Variants in MGAT4C observed in about 807,000 individuals in gnomAD.
MGAT4C encodes MGAT4 family member C.
In MGAT4C, 19 loss-of-function variants were observed where a neutral mutation model predicts 40.1. The ratio of observed to expected loss-of-function variants is 0.47; its 90% confidence interval spans 0.33 to 0.70. The LOEUF is 0.70. Ranked by LOEUF, MGAT4C falls within the 30% of genes least tolerant of loss-of-function variation. The probability of loss-of-function intolerance (pLI) is 0.02; values close to 1 mark genes in which losing one functional copy is unlikely to be tolerated. For missense variants in MGAT4C, 491 were observed against 563.2 expected (o/e 0.87, Z 1.30); for synonymous variants, 181 against 187.1 (o/e 0.97, Z 0.27).
intron 3 of MGAT4C, among the ~76,000 whole-genome samples, chr12:86,423,111 C>A (rs1022295275): frequency 3.9e-5 from 6 of 152,058 alleles, no homozygotes; most frequent in Non-Finnish European, 7.4e-5. Context: ...GCAACTCTTT[C>A]TTTGCCTGTA....
At chr12:86,794,737 A>T (rs1952081921) in intron 1 of MGAT4C, among the ~76,000 whole-genome samples, 1 of 151,908 alleles carries the variant, frequency 6.6e-6, no homozygotes, top group South Asian at 2.1e-4. Flanking sequence ...TTTGTTCAGA[A>T]GTTAAAGCAA....
At chr12:86,730,700 A>G (rs1340168201) in intron 1 of MGAT4C, among the ~76,000 whole-genome samples, 1 of 152,116 alleles carries the variant, frequency 6.6e-6, no homozygotes, top group African/African-American at 2.4e-5. Flanking sequence ...CCAGTAAAAT[A>G]CTGCTGTGTT....
intron 1 of MGAT4C, among the ~76,000 whole-genome samples, chr12:86,065,536 A>C (rs564889022): frequency 1.4e-4 from 22 of 152,120 alleles, no homozygotes; most frequent in Non-Finnish European, 3.2e-4. Flanking sequence ...CTCTCAATAA[A>C]CTAGGTATTG....
At chr12:86,354,115 C>T (rs948298491) in intron 3 of MGAT4C, among the ~76,000 whole-genome samples, 1 of 152,156 alleles carries the variant, frequency 6.6e-6, no homozygotes, top group African/African-American at 2.4e-5. Context: ...GGTTGGTGGA[C>T]ATGCTGGGCA....
At chr12:86,713,401 T>C (rs1950593242) in intron 2 of MGAT4C, among the ~76,000 whole-genome samples, 1 of 152,120 alleles carries the variant, frequency 6.6e-6, no homozygotes, top group African/African-American at 2.4e-5. Flanking sequence ...GGATGTATCA[T>C]CTTATTCTGA....
intron 4 of MGAT4C, among the ~76,000 whole-genome samples, chr12:86,293,215 T>A (rs1475473023): frequency 6.6e-6 from 1 of 152,160 alleles, no homozygotes; most frequent in Non-Finnish European, 1.5e-5. Flanking sequence ...GTTCAGTGTG[T>A]GCATGGAGAC....
chr12:86,128,103 C>T (rs1366286371), intron 1 of MGAT4C, among the ~76,000 whole-genome samples: 1 of 152,184 alleles, frequency 6.6e-6, no homozygotes, highest in Non-Finnish European at 1.5e-5. Flanking sequence ...CCACCATTAT[C>T]ATAGCCAACA....
At chr12:86,170,824 G>A (rs1430243190) in intron 1 of MGAT4C, among the ~76,000 whole-genome samples, 1 of 151,934 alleles carries the variant, frequency 6.6e-6, no homozygotes, top group African/African-American at 2.4e-5. Flanking sequence ...ATGTTAGTGT[G>A]CGCCTGGAGT....
intron 2 of MGAT4C, among the ~76,000 whole-genome samples, chr12:86,484,430 G>A (rs754288526): frequency 7.9e-5 from 12 of 152,212 alleles, no homozygotes; most frequent in Non-Finnish European, 1.8e-4. Context: ...AGACGTATGT[G>A]CACAGTACAG....
intron 1 of MGAT4C, among the ~76,000 whole-genome samples, chr12:86,766,683 G>T (rs201504067): frequency 2.0e-5 from 3 of 152,018 alleles, no homozygotes; most frequent in East Asian, 1.9e-4. Context: ...AGACCACAGT[G>T]CAATCAAACT....
At chr12:86,432,743 T>C (rs377495381) in intron 3 of MGAT4C, among the ~76,000 whole-genome samples, 4 of 152,208 alleles carry the variant, frequency 2.6e-5, no homozygotes, top group South Asian at 2.1e-4. Flanking sequence ...TAATAAAAAC[T>C]TTTCTACAAA....
At chr12:86,684,689 A>T (rs1015890362) in intron 2 of MGAT4C, among the ~76,000 whole-genome samples, 5 of 152,008 alleles carry the variant, frequency 3.3e-5, no homozygotes, top group Non-Finnish European at 7.4e-5. Flanking sequence ...CCTCTCCAGG[A>T]TCTGTTGTTT....
At chr12:86,790,186 A>T (rs1304868764) in intron 1 of MGAT4C, among the ~76,000 whole-genome samples, 1 of 152,180 alleles carries the variant, frequency 6.6e-6, no homozygotes, top group East Asian at 1.9e-4. Context: ...AATACTACCT[A>T]TTTGATGGTA....
chr12:86,163,963 T>C (rs1385965095), intron 1 of MGAT4C, among the ~76,000 whole-genome samples: 1 of 152,136 alleles, frequency 6.6e-6, no homozygotes, highest in Admixed American at 6.6e-5. Context: ...AGATAGCAAA[T>C]TTGTAGTTTT....
chr12:86,410,192 T>A (rs150083519), intron 3 of MGAT4C, among the ~76,000 whole-genome samples: 10 of 152,010 alleles, frequency 6.6e-5, no homozygotes, highest in African/African-American at 2.4e-4. Context: ...GAAAACAGGG[T>A]TTGAGAGCAG....
rs146297462 is a variant in MGAT4C at position 86,385,817 on chromosome 12, C to T, written c.-120+49340G>A. 1.3e-3 allele frequency among the ~76,000 whole-genome samples: 194 copies of T among 152,314 alleles called. 1 individual carries two copies. Among genetic ancestry groups the T allele is most frequent in the Middle Eastern group, 0.01 (3 of 294 alleles). On this transcript the variant is annotated intron_variant, in intron 3 of 7. Coordinates refer to the MGAT4C transcript ENST00000548651. Reference sequence around the variant, plus strand: ...ATTAAATTCAGATAATACCTCCTCACGGTACCCTTTCTGTCTTCCAGCTGT... The same window carrying T: ...ATTAAATTCAGATAATACCTCCTCATGGTACCCTTTCTGTCTTCCAGCTGT...
At chr12:86,450,256 C>T (rs1446869273) in intron 2 of MGAT4C, among the ~76,000 whole-genome samples, 3 of 151,686 alleles carry the variant, frequency 2.0e-5, no homozygotes, top group Non-Finnish European at 2.9e-5. Context: ...TGTATTTCAC[C>T]GATGATGAAT....
intron 1 of MGAT4C, among the ~76,000 whole-genome samples, chr12:86,750,926 T>G (rs1951222997): frequency 6.6e-6 from 1 of 151,956 alleles, no homozygotes; most frequent in African/African-American, 2.4e-5. Context: ...TTAAGGAGTA[T>G]GGCCTGGTCA....
At chr12:86,659,653 G>T (rs1257901800) in intron 2 of MGAT4C, among the ~76,000 whole-genome samples, 1 of 151,988 alleles carries the variant, frequency 6.6e-6, no homozygotes, top group African/African-American at 2.4e-5. Flanking sequence ...AAGAACTAGG[G>T]TTGAGATAGG....
Sources: gnomAD v4.1 joint callset for allele counts (sites outside exome capture counted in the v4.1 genomes callset) on GRCh38, gnomAD v4.1.1 for gene constraint, MANE v1.5 for transcripts, NCBI Gene and HGNC (gene_info 2026-07-23, HGNC 2026-07-21) for gene names.